The following CCSER1 variants were observed in gnomAD, a reference collection of about 807,000 sequenced individuals.
CCSER1 encodes the protein coiled-coil serine rich protein 1, also known as serine-rich coiled-coil domain-containing protein 1.
Under a neutral mutation model 82.0 loss-of-function variants are expected in CCSER1, and 41 were observed. That is an observed-to-expected ratio of 0.50 (90% CI 0.39 to 0.65). The LOEUF (loss-of-function observed/expected upper bound fraction) is 0.65, where lower values mean the gene tolerates loss of function less well. Ranked by LOEUF, CCSER1 falls within the 30% of genes least tolerant of loss-of-function variation. The probability of loss-of-function intolerance (pLI) is 0.00; values close to 1 mark genes in which losing one functional copy is unlikely to be tolerated. For missense variants in CCSER1, 1,119 were observed against 1,064.2 expected (o/e 1.05, Z -0.72); for synonymous variants, 414 against 383.9 (o/e 1.08, Z -0.92).
chr4:90,253,121 A>G (rs1345426887), intron 1 of CCSER1, among the ~76,000 whole-genome samples: 1 of 151,968 alleles, frequency 6.6e-6, no homozygotes, highest in Non-Finnish European at 1.5e-5. Context: ...CTTTTTTCCC[A>G]GCCAATTCCT....
rs182447752 is a variant in CCSER1, at chr4:90,320,606, G to C, written c.1509+7559G>C. 2.5e-3 allele frequency among the ~76,000 whole-genome samples: 386 copies of C among 152,186 alleles called. 2 individuals are homozygous for C. The highest frequency in any genetic ancestry group is 8.7e-3 in the African/African-American group (363 of 41,532). On this transcript the variant is annotated intron_variant, in intron 3 of 10. Coordinates refer to ENST00000509176, the MANE Select transcript of CCSER1 (RefSeq NM_001145065.2). ...AAGCCCATTAAAATATAATATCTTG[G>C]TCAAATATGGGTAAGCGAAGATTTT...
intron 9 of CCSER1, among the ~76,000 whole-genome samples, chr4:91,001,554 T>C (rs1738038577): frequency 1.3e-5 from 2 of 152,302 alleles, no homozygotes; most frequent in African/African-American, 4.8e-5. Flanking sequence ...ATTTGTTTTG[T>C]CTGATATAAG....
At chr4:91,120,566 A>G (rs1156488787) in intron 10 of CCSER1, among the ~76,000 whole-genome samples, 1 of 151,918 alleles carries the variant, frequency 6.6e-6, no homozygotes, top group Non-Finnish European at 1.5e-5. Flanking sequence ...TTAGCTTTAA[A>G]GTTTTTTTTG....
At position 90,991,877 on chromosome 4, in the gene CCSER1, C is replaced by T. The variant is rs554286625; in HGVS notation, c.2172+68430C>T. On this transcript the variant is annotated intron_variant, in intron 9 of 10. Coordinates refer to ENST00000509176, the MANE Select transcript of CCSER1 (RefSeq NM_001145065.2). Reference sequence around the variant, plus strand: ...ATTGTTATCACTTATTTACCACCTACTTACTGCAATCTGGCTTTGGATGTT... The same window carrying T: ...ATTGTTATCACTTATTTACCACCTATTTACTGCAATCTGGCTTTGGATGTT... Among the ~76,000 whole-genome samples the T allele has an allele frequency of 1.8e-4, 27 of 152,156 alleles. No homozygotes were observed. In the East Asian group the frequency reaches 3.9e-3, roughly 22 times the overall value.
intron 6 of CCSER1, among the ~76,000 whole-genome samples, chr4:90,688,824 C>G (rs1425507572): frequency 6.6e-6 from 1 of 152,028 alleles, no homozygotes; most frequent in Non-Finnish European, 1.5e-5. Flanking sequence ...TTTGAAAAAT[C>G]AATGGTGCTT....
chr4:90,277,917 T>C (rs1728134482), intron 1 of CCSER1, among the ~76,000 whole-genome samples: 1 of 151,932 alleles, frequency 6.6e-6, no homozygotes, highest in South Asian at 2.1e-4. Flanking sequence ...TGGGAGAAAA[T>C]ATTTGCAAAC....
At chr4:91,425,832 C>G in intron 10 of CCSER1, among the ~76,000 whole-genome samples, 1 of 152,122 alleles carries the variant, frequency 6.6e-6, no homozygotes, top group East Asian at 1.9e-4. Flanking sequence ...TAGTTAACAA[C>G]ACTGTATTGT....
At chr4:91,488,836 A>G (rs1758358951) in intron 10 of CCSER1, among the ~76,000 whole-genome samples, 1 of 152,202 alleles carries the variant, frequency 6.6e-6, no homozygotes, top group African/African-American at 2.4e-5. Flanking sequence ...TACAACAGTG[A>G]AATAAACAAA....
At chr4:91,178,468 C>T (rs1733645134) in intron 10 of CCSER1, among the ~76,000 whole-genome samples, 1 of 152,070 alleles carries the variant, frequency 6.6e-6, no homozygotes, top group Non-Finnish European at 1.5e-5. Context: ...TCACTAAGGA[C>T]TTGCTTTATG....
At chr4:91,047,412 C>T (rs1028579758) in intron 9 of CCSER1, among the ~76,000 whole-genome samples, 97 of 152,074 alleles carry the variant, frequency 6.4e-4, no homozygotes, top group Admixed American at 2.6e-4. Context: ...ATGCTTCCAT[C>T]TCTCCATCTC....
chr4:90,649,328 T>G (rs926041589), intron 6 of CCSER1, among the ~76,000 whole-genome samples: 1 of 152,304 alleles, frequency 6.6e-6, no homozygotes, highest in African/African-American at 2.4e-5. Context: ...GATTAATTAC[T>G]ATTATAAACA....
At chr4:91,410,213 AT>A (rs1752943492) in intron 10 of CCSER1, among the ~76,000 whole-genome samples, 1 of 152,208 alleles carries the variant, frequency 6.6e-6, no homozygotes, top group African/African-American at 2.4e-5. Flanking sequence ...CTACTGGATA[AT>A]TGAGTAAAAT....
chr4:90,654,346 C>T (rs1051121363), intron 6 of CCSER1, among the ~76,000 whole-genome samples: 1 of 151,916 alleles, frequency 6.6e-6, no homozygotes, highest in African/African-American at 2.4e-5. Context: ...AAAAAGGAAT[C>T]CTTATTACTT....
intron 9 of CCSER1, among the ~76,000 whole-genome samples, chr4:91,001,242 A>G (rs905170225): frequency 6.6e-6 from 1 of 152,174 alleles, no homozygotes. Context: ...CCAACCTTGC[A>G]TCCCAGGAAT....
chr4:90,571,655 G>A (rs186166643), intron 5 of CCSER1, among the ~76,000 whole-genome samples: 2 of 152,220 alleles, frequency 1.3e-5, no homozygotes, highest in African/African-American at 2.4e-5. Flanking sequence ...TATTTTCACT[G>A]TCTTGGTGAC....
chr4:90,854,561 C>T (rs562532076), intron 8 of CCSER1, among the ~76,000 whole-genome samples: 1 of 152,126 alleles, frequency 6.6e-6, no homozygotes, highest in Non-Finnish European at 1.5e-5. Context: ...TAAGACACTT[C>T]CCTGAGTTCT....
chr4:90,479,508 T>C (rs184375663), intron 5 of CCSER1, among the ~76,000 whole-genome samples: 1 of 152,284 alleles, frequency 6.6e-6, no homozygotes, highest in East Asian at 1.9e-4. Flanking sequence ...GTATATCTCC[T>C]AATGCTATCC....
intron 7 of CCSER1, among the ~76,000 whole-genome samples, chr4:90,747,566 T>A (rs1359187869): frequency 6.6e-6 from 1 of 152,126 alleles, no homozygotes; most frequent in Non-Finnish European, 1.5e-5. Flanking sequence ...TTAATCTACC[T>A]GTTTTCAGTA....
At chr4:90,157,014 G>C (rs1445163450) in intron 1 of CCSER1, among the ~76,000 whole-genome samples, 1 of 152,218 alleles carries the variant, frequency 6.6e-6, no homozygotes, top group South Asian at 2.1e-4. Flanking sequence ...GCTGGTACCT[G>C]TTGTTCCTTT....
Sources: gnomAD v4.1 joint callset for allele counts (sites outside exome capture counted in the v4.1 genomes callset) on GRCh38, gnomAD v4.1.1 for gene constraint, MANE v1.5 for transcripts, NCBI Gene and HGNC (gene_info 2026-07-23, HGNC 2026-07-21) for gene names.